The following FBLN1 variants were observed in gnomAD, a reference collection of about 807,000 sequenced individuals.
FBLN1 encodes fibulin-1.
A neutral mutation model predicts 89.7 loss-of-function variants in FBLN1; 34 were observed. The ratio of observed to expected loss-of-function variants is 0.38; its 90% CI spans 0.29 to 0.50. The LOEUF (loss-of-function observed/expected upper bound fraction) is 0.50, where lower values mean the gene tolerates loss of function less well. Among genes scored for constraint, FBLN1 ranks in the 20% least tolerant of loss-of-function variants. FBLN1 has a pLI of 0.92. For missense variants in FBLN1, 777 were observed against 988.1 expected (o/e 0.79, Z 2.86); for synonymous variants, 393 against 391.3 (o/e 1.00, Z -0.05).
In FBLN1 at chr22:45,563,251, G is replaced by A. The variant is rs754819608; in HGVS notation, c.1698-11260G>A. 8 of 1,613,722 alleles carry A rather than the reference G, an allele frequency of 5.0e-6. No homozygotes were observed. In the South Asian group the frequency reaches 7.7e-5, roughly 16 times the overall value. On this transcript the variant is annotated intron_variant, in intron 14 of 16. Coordinates refer to ENST00000327858, the MANE Select transcript of FBLN1 (RefSeq NM_006486.3). The surrounding 1 kb of genome is among the most constrained non-coding windows in gnomAD (Gnocchi z 5.7). ...TTGTGGCCAAGCTTTTCATCTTTGT[G>A]TCTGCAGAGCTCTGAGCACTCGCTT...
chr22:45,544,817 G>A (rs563838183), intron 11 of FBLN1, among the ~76,000 whole-genome samples: 14 of 152,276 alleles, frequency 9.2e-5, no homozygotes, highest in African/African-American at 2.9e-4. Flanking sequence ...AACCTCCTGG[G>A]CTGATGGGAA....
At chr22:45,573,622 A>G (rs2147025423) in intron 14 of FBLN1, among the ~76,000 whole-genome samples, 1 of 140,840 alleles carries the variant, frequency 7.1e-6, no homozygotes, top group African/African-American at 2.6e-5. Context: ...CGGAGGTTGC[A>G]GTGAGCTGAG....
chr22:45,540,861 G>A lies in FBLN1; in HGVS notation c.923-368G>A, dbSNP rs909995514. On this transcript the variant is annotated intron_variant, in intron 8 of 16. Coordinates refer to ENST00000327858, the MANE Select transcript of FBLN1 (RefSeq NM_006486.3). Reference sequence around the variant, plus strand: ...CATCGGAGGGGCCTAGAGCCTTGCTGGGAGTCAGAGTTGCTGGCACCACGT... The same window carrying A: ...CATCGGAGGGGCCTAGAGCCTTGCTAGGAGTCAGAGTTGCTGGCACCACGT... 5.3e-5 allele frequency among the ~76,000 whole-genome samples: 8 copies of A among 152,252 alleles called. No individual in the cohort carries two copies. The East Asian group carries it at 1.3e-3, about 26-fold the overall frequency.
At chr22:45,508,792 C>T (rs545518567) in intron 1 of FBLN1, among the ~76,000 whole-genome samples, 82 of 152,216 alleles carry the variant, frequency 5.4e-4, no homozygotes, top group African/African-American at 1.5e-3. Context: ...CATTCATTCA[C>T]GGACATTTAT....
Position 45,601,131 on chromosome 22 carries a change from C to G in FBLN1, c.*685C>G, listed in dbSNP as rs1920927037. On this transcript the variant is annotated 3_prime_UTR_variant, in exon 17 of 17. Transcript: ENST00000327858. ...GGAAAATAAACAACTTTGTGATCCT[C>G]CTGATGGCCTGTGCATGAGAGTCTT... is the stretch of plus-strand genomic sequence containing the variant. 1 of 155,878 alleles carries G rather than the reference C, an allele frequency of 6.4e-6. No homozygotes were observed. The highest frequency in any genetic ancestry group is 1.4e-5 in the Non-Finnish European group (1 of 70,538). The allele number at this position is 155,878 out of a possible 1,614,324, so 9.7% of individuals were successfully genotyped here.
Position 45,588,353 on chromosome 22 carries a change from G to T in FBLN1, c.1972+11245G>T, listed in dbSNP as rs1055845374. On this transcript the variant is annotated intron_variant, in intron 16 of 16. Coordinates refer to ENST00000327858, the MANE Select transcript of FBLN1 (RefSeq NM_006486.3). This position sits in a 1 kb window ranked among gnomAD's most constrained non-coding sequence, Gnocchi z 5.1. The stretch of plus-strand genomic sequence containing the variant: ...GAGCAGATAAATGCTTGTGCTGGGG[G>T]GAGGGGTGTCGTGAAAAGGGAAACA... Among the ~76,000 whole-genome samples the T allele has an allele frequency of 6.6e-6, 1 of 152,198 alleles. No individual in the cohort carries two copies. Among genetic ancestry groups the T allele is most frequent in the African/African-American group, 2.4e-5 (1 of 41,450 alleles).
rs980867674 is a variant in FBLN1, at chr22:45,577,274, C to T, written c.1972+166C>T. Reference sequence around the variant, plus strand: ...ACCACAGCTCCCAATCGGTCTCGGCCGGAGGAACAGCCAGAGTGGGGGATC... The same window carrying T: ...ACCACAGCTCCCAATCGGTCTCGGCTGGAGGAACAGCCAGAGTGGGGGATC... On this transcript the variant is annotated intron_variant, in intron 16 of 16. Transcript: ENST00000327858. The surrounding 1 kb of genome is among the most constrained non-coding windows in gnomAD (Gnocchi z 6.6). 7.9e-5 allele frequency among the ~76,000 whole-genome samples: 12 copies of T among 152,072 alleles called. No homozygotes were observed. Among genetic ancestry groups the T allele is most frequent in the South Asian group, 2.1e-4 (1 of 4,824 alleles).
rs756281872 is a variant in FBLN1, at chr22:45,588,064, G to C, written c.1972+10956G>C. The stretch of plus-strand genomic sequence containing the variant: ...CATACACTTTTTATCCCAGAGGGTA[G>C]GAGTACACGAGAAACAAGCATAATA... On this transcript the variant is annotated intron_variant, in intron 16 of 16. Coordinates refer to ENST00000327858, the MANE Select transcript of FBLN1 (RefSeq NM_006486.3). The surrounding 1 kb of genome is among the most constrained non-coding windows in gnomAD (Gnocchi z 5.1). Among the ~76,000 whole-genome samples, 1 of 152,246 alleles carries C rather than the reference G, an allele frequency of 6.6e-6. No individual in the cohort carries two copies. The highest frequency in any genetic ancestry group is 1.5e-5 in the Non-Finnish European group (1 of 68,052).
chr22:45,520,802 A>C, intron 2 of FBLN1, among the ~76,000 whole-genome samples: 1 of 151,942 alleles, frequency 6.6e-6, no homozygotes, highest in South Asian at 2.1e-4. Context: ...GTCTTTGGTA[A>C]ATTTTGGAGT....
At chr22:45,515,678 G>A (rs1374371200) in intron 1 of FBLN1, among the ~76,000 whole-genome samples, 2 of 152,188 alleles carry the variant, frequency 1.3e-5, no homozygotes, top group Non-Finnish European at 2.9e-5. Context: ...GCAGCGATAA[G>A]TCAATCCCCT....
At chr22:45,534,292 C>CAAAAAAAAAAAAAAAAAAAAAAAAAAAAA (rs136746) in intron 7 of FBLN1, among the ~76,000 whole-genome samples, 1 of 83,230 alleles carries the variant, frequency 1.2e-5, no homozygotes, top group South Asian at 5.7e-4. Context: ...GTACTTTCTA[C>CAAAAAAAAAAAAAAAAAAAAAAAAAAAAA]AAAAAAAAAA....
chr22:45,539,205 CTTTTTTTTT>C (rs549125499), intron 8 of FBLN1, among the ~76,000 whole-genome samples: 2 of 93,708 alleles, frequency 2.1e-5, no homozygotes, highest in East Asian at 3.3e-4. Flanking sequence ...TTCTTTTCTT[CTTTTTTTTT>C]TTTTTTTGAG....
intron 8 of FBLN1, 42 bp downstream of exon 8, chr22:45,535,379 G>A: frequency 6.2e-7 from 1 of 1,612,444 alleles, no homozygotes; most frequent in Non-Finnish European, 8.5e-7. Flanking sequence ...ATTCCAGGAG[G>A]GGCCAGCGAC....
chr22:45,529,641 G>A (rs1224451167), intron 4 of FBLN1, among the ~76,000 whole-genome samples: 2 of 152,058 alleles, frequency 1.3e-5, no homozygotes, highest in African/African-American at 2.4e-5. Flanking sequence ...CGAGGCAGGC[G>A]GATCACCTGA....
chr22:45,600,619 G>C lies in FBLN1; in HGVS notation c.*173G>C. ...GAATAAGTCCATCTGATGTATTTTC[G>C]GTGTTTAAAAAATGAGCCCAGTTGC... is the stretch of plus-strand genomic sequence containing the variant. On this transcript the variant is annotated 3_prime_UTR_variant, in exon 17 of 17. Transcript: ENST00000327858. 4 of 789,396 alleles carry C rather than the reference G, an allele frequency of 5.1e-6. No homozygotes were observed. The highest frequency in any genetic ancestry group is 8.6e-6 in the Non-Finnish European group (4 of 467,058). 48.9% of individuals were successfully genotyped at this position (789,396 alleles called of 1,614,324 possible). A position where few individuals can be genotyped will look rare whatever the true frequency, so the allele number is the denominator to read the frequency against.
Position 45,520,254 on chromosome 22 carries a change from A to G in FBLN1, c.185+1467A>G, listed in dbSNP as rs185017435. Among the ~76,000 whole-genome samples the G allele has an allele frequency of 1.1e-3, 166 of 152,302 alleles. 1 individual carries two copies. The highest frequency in any genetic ancestry group is 9.5e-3 in the Admixed American group (146 of 15,300). On this transcript the variant is annotated intron_variant, in intron 2 of 16. Coordinates refer to ENST00000327858, the MANE Select transcript of FBLN1 (RefSeq NM_006486.3). The stretch of plus-strand genomic sequence containing the variant: ...TGTGGCAACGTATTGGTTTTCTAGG[A>G]CTGCCAGAGCAGAGTATAAGGGGCA...
intron 8 of FBLN1, among the ~76,000 whole-genome samples, chr22:45,540,958 C>T (rs769253259): frequency 1.3e-5 from 2 of 152,242 alleles, no homozygotes; most frequent in Admixed American, 6.5e-5. Flanking sequence ...GCCAGGCAGG[C>T]AGGTCCCGAT....
chr22:45,572,499 A>G lies in FBLN1; in HGVS notation c.1698-2012A>G, dbSNP rs1483223313. 2.6e-5 allele frequency among the ~76,000 whole-genome samples: 4 copies of G among 152,354 alleles called. No individual in the cohort carries two copies. The highest frequency in any genetic ancestry group is 2.1e-4 in the South Asian group (1 of 4,826). ...TAGCTTATTATCCTGAAAATTAGAA[A>G]ATTCAAGGAAACAACCAAGTATTGA... is the stretch of plus-strand genomic sequence containing the variant. On this transcript the variant is annotated intron_variant, in intron 14 of 16. Transcript: ENST00000327858. This position sits in a 1 kb window ranked among gnomAD's most constrained non-coding sequence, Gnocchi z 5.8.
chr22:45,587,938 T>G (rs942240064), intron 16 of FBLN1, among the ~76,000 whole-genome samples: 3 of 152,164 alleles, frequency 2.0e-5, no homozygotes, highest in African/African-American at 7.2e-5. Context: ...TTTGCAACTC[T>G]CCTCATACTC....
Sources: allele counts gnomAD v4.1 joint callset (sites outside exome capture counted in the v4.1 genomes callset), GRCh38; gene constraint gnomAD v4.1.1; non-coding constraint Gnocchi (gnomAD v3.1); transcripts MANE v1.5; gene names NCBI Gene and HGNC (gene_info 2026-07-23, HGNC 2026-07-21).